The following ZBTB2 variants were observed in gnomAD, a reference collection of about 807,000 sequenced individuals.
ZBTB2 encodes zinc finger and BTB domain containing 2.
ZBTB2 carries 2 observed loss-of-function variants against 39.5 expected under a neutral mutation model. The ratio of observed to expected loss-of-function variants is 0.05; its 90% CI spans 0.02 to 0.16. The LOEUF is 0.16. ZBTB2 is among the 10% of genes least tolerant of loss of function. The pLI, the probability that ZBTB2 is intolerant of heterozygous loss-of-function variation, is 1.00. For missense variants in ZBTB2, 391 were observed against 653.0 expected, an observed-to-expected ratio of 0.60 and a Z score of 4.37; for synonymous variants, 251 against 256.6, an observed-to-expected ratio of 0.98 and a Z score of 0.21.
intron 1 of ZBTB2, among the ~76,000 whole-genome samples, chr6:151,385,911 C>G (rs1001468969): frequency 1.3e-5 from 2 of 152,086 alleles, no homozygotes; most frequent in Admixed American, 6.5e-5. Context: ...AATGGAGTGG[C>G]ATTTTTTTCT....
In ZBTB2 at chr6:151,366,159, C is replaced by A; in HGVS notation, c.907G>T (p.Gly303Trp). 1 of 1,614,118 alleles carries A rather than the reference C, an allele frequency of 6.2e-7. No individual in the cohort carries two copies. The highest frequency in any genetic ancestry group is 8.5e-7 in the Non-Finnish European group (1 of 1,180,040). The change falls in exon 3 of 3, where the codon GGG (glycine) becomes TGG (tryptophan). Residue 303 changes from glycine to tryptophan, a missense_variant. By Grantham distance (184) the Gly-to-Trp change is radical. Coordinates refer to ENST00000325144, the MANE Select transcript of ZBTB2 (RefSeq NM_020861.3). This position sits in a 1 kb window ranked among gnomAD's most constrained non-coding sequence, Gnocchi z 7.1. ...LTLCSNAADL[G>W]KDAMEVPEAG... ...TCAGGCACTTCCATGGCATCTTTCCCGAGGTCAGCTGCATTGCTACAGAGA... is the reference window on the plus strand; with the variant it reads ...TCAGGCACTTCCATGGCATCTTTCCAGAGGTCAGCTGCATTGCTACAGAGA...
Position 151,387,696 on chromosome 6 carries a change from A to G in ZBTB2, c.-13+3724T>C, listed in dbSNP as rs117785154. ...TCCCTAAGTACTTAGCCAGATACATAAAAGTATTTTTCAAATTCCTATCTT... is the reference window on the plus strand; with the variant it reads ...TCCCTAAGTACTTAGCCAGATACATGAAAGTATTTTTCAAATTCCTATCTT... On this transcript the variant is annotated intron_variant, in intron 1 of 2. Coordinates refer to ENST00000325144, the MANE Select transcript of ZBTB2 (RefSeq NM_020861.3). 7.4e-4 allele frequency among the ~76,000 whole-genome samples: 112 copies of G among 152,352 alleles called. 1 individual carries two copies. The East Asian group carries it at 0.014, about 19-fold the overall frequency.
chr6:151,391,020 T>TCCCA (rs1267192913), intron 1 of ZBTB2, among the ~76,000 whole-genome samples: 1 of 15,700 alleles, frequency 6.4e-5, no homozygotes, highest in Non-Finnish European at 1.4e-4. Context: ...CCTTCCTCCC[T>TCCCA]CCCACCCTCC....
chr6:151,369,850 G>A (rs946835320), intron 2 of ZBTB2, among the ~76,000 whole-genome samples: 2 of 152,132 alleles, frequency 1.3e-5, no homozygotes, highest in Non-Finnish European at 2.9e-5. Flanking sequence ...GTGCGCAGCT[G>A]TAACCCCAGC....
chr6:151,391,020 TCCCA>T (rs1267192913), intron 1 of ZBTB2, among the ~76,000 whole-genome samples: 15 of 15,700 alleles, frequency 9.6e-4, no homozygotes, highest in Non-Finnish European at 1.9e-3. Context: ...CCTTCCTCCC[TCCCA>T]CCCTCCCTCC....
intron 2 of ZBTB2, among the ~76,000 whole-genome samples, chr6:151,371,893 T>G (rs965557703): frequency 1.5e-4 from 23 of 152,212 alleles, no homozygotes; most frequent in Admixed American, 1.5e-3. Context: ...TGAGTTAAGC[T>G]TGGGATACTT....
chr6:151,366,045 A>G lies in ZBTB2; in HGVS notation c.1021T>C (p.Ser341Pro). The change falls in exon 3 of 3, where the codon TCA becomes CCA. Residue 341 changes from serine (S) to proline (P), a missense_variant. Transcript: ENST00000325144. This position sits in a 1 kb window ranked among gnomAD's most constrained non-coding sequence, Gnocchi z 7.1. Reference sequence around the variant, plus strand: ...AGGTTGTCAATGTCAGCAATGTCTGAGGGGGGTGGGGTTTCCGACTGCTGC... The same window carrying G: ...AGGTTGTCAATGTCAGCAATGTCTGGGGGGGGTGGGGTTTCCGACTGCTGC... ...GQQQSETPPP[S>P]DIADIDNLEQ... 1 of 1,613,962 alleles carries G rather than the reference A, an allele frequency of 6.2e-7. No homozygotes were observed. Among genetic ancestry groups the G allele is most frequent in the East Asian group, 2.2e-5 (1 of 44,842 alleles).
chr6:151,372,909 C>T (rs542423247), intron 2 of ZBTB2, among the ~76,000 whole-genome samples: 5 of 152,136 alleles, frequency 3.3e-5, no homozygotes, highest in African/African-American at 1.2e-4. Flanking sequence ...AATCCCAGCA[C>T]TTTGGGAGGC....
At chr6:151,388,487 A>T (rs1779211906) in intron 1 of ZBTB2, among the ~76,000 whole-genome samples, 1 of 152,224 alleles carries the variant, frequency 6.6e-6, no homozygotes, top group Non-Finnish European at 1.5e-5. Flanking sequence ...TGGGTACTTG[A>T]AATCACAGGA....
chr6:151,381,508 G>C (rs938188904), intron 1 of ZBTB2, among the ~76,000 whole-genome samples: 1 of 151,688 alleles, frequency 6.6e-6, no homozygotes, highest in Non-Finnish European at 1.5e-5. Context: ...GTGACACAGA[G>C]AGACTCCATC....
rs1055368369 is a variant in ZBTB2, at chr6:151,364,348, C to T, written c.*1173G>A. On this transcript the variant is annotated 3_prime_UTR_variant, in exon 3 of 3. Coordinates refer to ENST00000325144, the MANE Select transcript of ZBTB2 (RefSeq NM_020861.3). The stretch of plus-strand genomic sequence containing the variant: ...GAAGATTAATGAACAATTTTTACTG[C>T]TTTCGGGCCAATGGAGAAAATTTCA... 6 of 152,356 alleles carry T rather than the reference C, an allele frequency of 3.9e-5. No homozygotes were observed. The highest frequency in any genetic ancestry group is 1.2e-4 in the African/African-American group (5 of 41,354). 9.4% of individuals were successfully genotyped at this position (152,356 alleles called of 1,614,324 possible).
intron 2 of ZBTB2, 144 bp downstream of exon 2, chr6:151,373,321 G>A (rs1428355883): frequency 2.6e-6 from 2 of 769,182 alleles, no homozygotes; most frequent in South Asian, 1.9e-5. Context: ...TAACAAGAAG[G>A]GTAGTGGGGG....
intron 1 of ZBTB2, among the ~76,000 whole-genome samples, chr6:151,389,625 T>C (rs1371897265): frequency 1.3e-5 from 2 of 152,172 alleles, no homozygotes; most frequent in Non-Finnish European, 2.9e-5. Context: ...AACAATACCC[T>C]GATAAAATGA....
intron 1 of ZBTB2, among the ~76,000 whole-genome samples, chr6:151,385,884 T>C (rs1164599264): frequency 6.6e-6 from 1 of 152,208 alleles, no homozygotes; most frequent in African/African-American, 2.4e-5. Context: ...AGAAAATGCA[T>C]CTTATTTAGT....
At chr6:151,373,224 G>C (rs918061242) in intron 2 of ZBTB2, among the ~76,000 whole-genome samples, 13 of 148,670 alleles carry the variant, frequency 8.7e-5, no homozygotes, top group African/African-American at 3.0e-4. Flanking sequence ...GACCATGCAG[G>C]TGACACCCAG....
intron 2 of ZBTB2, chr6:151,370,202 C>A (rs1778757223): frequency 2.2e-6 from 1 of 444,966 alleles, no homozygotes; most frequent in Non-Finnish European, 3.0e-6. Flanking sequence ...GTGACACGAT[C>A]TCGGCTTACT....
chr6:151,379,470 C>T (rs767546720), intron 1 of ZBTB2, among the ~76,000 whole-genome samples: 1 of 151,580 alleles, frequency 6.6e-6, no homozygotes, highest in Non-Finnish European at 1.5e-5. Flanking sequence ...GAGAGACCCC[C>T]ATCTCTATAA....
chr6:151,372,654 G>C (rs553328208), intron 2 of ZBTB2, among the ~76,000 whole-genome samples: 2 of 152,288 alleles, frequency 1.3e-5, no homozygotes, highest in South Asian at 4.1e-4. Flanking sequence ...AGCAAAGATA[G>C]AGCTGTTTTA....
chr6:151,389,005 T>C (rs1779224568), intron 1 of ZBTB2, among the ~76,000 whole-genome samples: 1 of 152,226 alleles, frequency 6.6e-6, no homozygotes, highest in South Asian at 2.1e-4. Context: ...TCACTTCTTG[T>C]ACTTACGATG....
Sources: gnomAD v4.1 joint callset for allele counts (sites outside exome capture counted in the v4.1 genomes callset) on GRCh38, gnomAD v4.1.1 for gene constraint, Gnocchi (gnomAD v3.1) non-coding constraint, MANE v1.5 for transcripts, NCBI Gene and HGNC (gene_info 2026-07-23, HGNC 2026-07-21) for gene names.